The following ARL15 variants were observed in gnomAD, a reference collection of about 807,000 sequenced individuals.
ARL15 encodes ARF like GTPase 15, also known as ADP-ribosylation factor-like protein 15.
ARL15 carries 19 observed loss-of-function variants against 25.2 expected under a neutral mutation model. The observed-to-expected ratio is 0.75, with a 90% CI of 0.53 to 1.10. The LOEUF (loss-of-function observed/expected upper bound fraction) is 1.10. Ranked by LOEUF, ARL15 falls within the 50% of genes least tolerant of loss-of-function variation. ARL15 has a pLI of 0.00. For synonymous variants in ARL15, 94 were observed against 86.8 expected (o/e 1.08, Z -0.46); for missense variants, 220 against 246.0 (o/e 0.89, Z 0.71).
chr5:54,147,619 C>T (rs1039902010), intron 3 of ARL15, among the ~76,000 whole-genome samples: 6 of 152,122 alleles, frequency 3.9e-5, no homozygotes, highest in Admixed American at 3.9e-4. Flanking sequence ...CATGGTCTTC[C>T]TTGAGCCCTT....
chr5:53,956,074 C>T (rs1747139969), intron 4 of ARL15, among the ~76,000 whole-genome samples: 1 of 151,964 alleles, frequency 6.6e-6, no homozygotes, highest in African/African-American at 2.4e-5. Context: ...CATGCACATA[C>T]CCACAGCATG....
chr5:54,053,035 A>C (rs1750745513), intron 4 of ARL15, among the ~76,000 whole-genome samples: 1 of 152,206 alleles, frequency 6.6e-6, no homozygotes. Context: ...TTAAAAGAAC[A>C]TCCTATGCCA....
chr5:54,118,171 C>A (rs986776654), intron 3 of ARL15, among the ~76,000 whole-genome samples: 2 of 152,140 alleles, frequency 1.3e-5, no homozygotes, highest in South Asian at 2.1e-4. Context: ...TAAGAAACAA[C>A]CACCTGTTGA....
At chr5:53,940,032 G>A (rs1386905809) in intron 4 of ARL15, among the ~76,000 whole-genome samples, 6 of 149,152 alleles carry the variant, frequency 4.0e-5, no homozygotes, top group African/African-American at 1.2e-4. Context: ...AGGCTGGAGT[G>A]CAGAGGCGCG....
intron 4 of ARL15, among the ~76,000 whole-genome samples, chr5:53,991,502 A>G (rs1748492263): frequency 1.1e-5 from 1 of 87,438 alleles, no homozygotes; most frequent in Non-Finnish European, 2.3e-5. Flanking sequence ...AGATTGCGCC[A>G]TTGCACTCTA....
chr5:54,014,610 T>A (rs1005691356), intron 4 of ARL15, among the ~76,000 whole-genome samples: 2 of 151,818 alleles, frequency 1.3e-5, no homozygotes, highest in Admixed American at 6.6e-5. Context: ...AATCTCCATC[T>A]CCTGGGTTCA....
At chr5:54,191,848 T>C (rs553970665) in intron 1 of ARL15, among the ~76,000 whole-genome samples, 78 of 152,266 alleles carry the variant, frequency 5.1e-4, no homozygotes, top group Admixed American at 2.4e-3. Context: ...TGTTAACATA[T>C]GTCAGATCAA....
chr5:54,234,700 T>C (rs1756758087), intron 1 of ARL15, among the ~76,000 whole-genome samples: 1 of 152,204 alleles, frequency 6.6e-6, no homozygotes, highest in South Asian at 2.1e-4. Flanking sequence ...TGAAACAAAA[T>C]TATGGACTTA....
At chr5:53,915,208 G>A (rs1217403600) in intron 4 of ARL15, among the ~76,000 whole-genome samples, 2 of 152,316 alleles carry the variant, frequency 1.3e-5, no homozygotes, top group East Asian at 3.9e-4. Flanking sequence ...AACTACTAGG[G>A]GGAGGAGATA....
chr5:53,997,418 A>G (rs1287618151), intron 4 of ARL15, among the ~76,000 whole-genome samples: 5 of 151,776 alleles, frequency 3.3e-5, no homozygotes, highest in African/African-American at 1.2e-4. Flanking sequence ...TTAAAAACCA[A>G]ATTAAGGGTA....
At chr5:54,231,612 G>C (rs1477961416) in intron 1 of ARL15, among the ~76,000 whole-genome samples, 1 of 152,150 alleles carries the variant, frequency 6.6e-6, no homozygotes, top group African/African-American at 2.4e-5. Context: ...CCAAGACCCT[G>C]GGTGGCTTAA....
intron 1 of ARL15, among the ~76,000 whole-genome samples, chr5:54,308,263 G>T (rs1240938156): frequency 6.6e-6 from 1 of 152,074 alleles, no homozygotes; most frequent in Non-Finnish European, 1.5e-5. Context: ...TTTCACAGGG[G>T]ACACTTGGCA....
At chr5:54,249,217 G>A (rs1757174367) in intron 1 of ARL15, among the ~76,000 whole-genome samples, 1 of 152,064 alleles carries the variant, frequency 6.6e-6, no homozygotes, top group Non-Finnish European at 1.5e-5. Context: ...GAAAAGAAGT[G>A]GATGCATATA....
chr5:54,156,319 A>G (rs143031824), intron 2 of ARL15, among the ~76,000 whole-genome samples: 51 of 152,340 alleles, frequency 3.3e-4, no homozygotes, highest in African/African-American at 1.2e-3. Context: ...TGGGCAACCT[A>G]CTAGCCTTGC....
intron 1 of ARL15, among the ~76,000 whole-genome samples, chr5:54,230,346 G>GAAAAAAAAAAAAAAA (rs137882615): frequency 1.4e-4 from 13 of 91,846 alleles, no homozygotes; most frequent in South Asian, 3.6e-4. Flanking sequence ...TTCCATCTCA[G>GAAAAAAAAAAAAAAA]AAAAAAAAAA....
chr5:54,252,892 G>GT (rs1254868499), intron 1 of ARL15, among the ~76,000 whole-genome samples: 8 of 151,968 alleles, frequency 5.3e-5, no homozygotes, highest in Admixed American at 5.2e-4. Context: ...TGCCTGGAAT[G>GT]TTTTTTATTT....
intron 4 of ARL15, among the ~76,000 whole-genome samples, chr5:54,029,285 T>C (rs534163784): frequency 1.3e-3 from 191 of 150,394 alleles, no homozygotes; most frequent in African/African-American, 4.4e-3. Context: ...GTCTGGAAAA[T>C]AGTTAATTTA....
intron 4 of ARL15, among the ~76,000 whole-genome samples, chr5:53,956,448 T>G (rs1173728018): frequency 6.7e-6 from 1 of 149,078 alleles, no homozygotes; most frequent in Non-Finnish European, 1.5e-5. Context: ...AAGACCATAC[T>G]TCCTCTTTCT....
chr5:53,951,384 A>G (rs2112117157), intron 4 of ARL15: 1 of 404,430 alleles, frequency 2.5e-6, no homozygotes. Context: ...TACAAAAATC[A>G]TATACTTTGG....
Sources: allele counts gnomAD v4.1 joint callset (sites outside exome capture counted in the v4.1 genomes callset), GRCh38; gene constraint gnomAD v4.1.1; transcripts MANE v1.5; gene names NCBI Gene and HGNC (gene_info 2026-07-23, HGNC 2026-07-21).